GNG7: variants seen among roughly 807,000 people sequenced by gnomAD.
GNG7 encodes guanine nucleotide-binding protein G(I)/G(S)/G(O) subunit gamma-7.
In GNG7, 1 loss-of-function variant was observed where a neutral mutation model predicts 4.0. The observed-to-expected ratio is 0.25, with a 90% CI of 0.09 to 1.18. The LOEUF (loss-of-function observed/expected upper bound fraction) is 1.18, where lower values mean the gene tolerates loss of function less well. GNG7 is among the 50% of genes most tolerant of loss of function. The pLI is 0.50. For missense variants in GNG7, 86 were observed against 91.9 expected (o/e 0.94, Z 0.26); for synonymous variants, 34 against 36.9 (o/e 0.92, Z 0.29).
chr19:2,603,466 G>C (rs1031344002), intron 2 of GNG7, among the ~76,000 whole-genome samples: 3 of 152,244 alleles, frequency 2.0e-5, no homozygotes, highest in Non-Finnish European at 2.9e-5. Flanking sequence ...ACCGGCATCC[G>C]GTGAGACCGC....
rs970157339 is a variant in GNG7 at position 2,633,213 on chromosome 19, G to A, written c.-78+13011C>T. 8.5e-5 allele frequency among the ~76,000 whole-genome samples: 13 copies of A among 152,174 alleles called. No homozygotes were observed. Among genetic ancestry groups the A allele is most frequent in the Non-Finnish European group, 1.9e-4 (13 of 68,032 alleles). ...ACGGGCCTCATCATTGCTGTCCTGG[G>A]CAATGGACTCTGACCCCTGCTGTAG... is the stretch of plus-strand genomic sequence containing the variant. On this transcript the variant is annotated intron_variant, in intron 2 of 4. Transcript: ENST00000382159. The surrounding 1 kb of genome is among the most constrained non-coding windows in gnomAD (Gnocchi z 5.9).
intron 2 of GNG7, among the ~76,000 whole-genome samples, chr19:2,644,327 T>TATATA (rs1982600107): frequency 8.7e-6 from 1 of 114,430 alleles, no homozygotes; most frequent in Non-Finnish European, 1.8e-5. Context: ...GGCCTACACT[T>TATATA]TATATATATA....
intron 1 of GNG7, among the ~76,000 whole-genome samples, chr19:2,649,471 G>A (rs1982753051): frequency 6.7e-6 from 1 of 150,022 alleles, no homozygotes; most frequent in Admixed American, 6.7e-5. Context: ...CTCACTGCAA[G>A]CTCCACCTCC....
intron 3 of GNG7, among the ~76,000 whole-genome samples, chr19:2,535,817 C>T (rs1281339021): frequency 6.6e-6 from 1 of 152,074 alleles, no homozygotes; most frequent in African/African-American, 2.4e-5. Context: ...TCCTCTGACC[C>T]CATCAAGTTC....
Position 2,643,115 on chromosome 19 carries a change from G to A in GNG7, c.-78+3109C>T, listed in dbSNP as rs536070335. 97 of 452,966 alleles carry A rather than the reference G, an allele frequency of 2.1e-4. 3 individuals are homozygous for A. Among genetic ancestry groups the A allele is most frequent in the South Asian group, 1.5e-3 (95 of 64,304 alleles). The allele number at this position is 452,966 out of a possible 1,614,324, so 28.1% of individuals were successfully genotyped here. A position where few individuals can be genotyped will look rare whatever the true frequency, so the allele number is the denominator to read the frequency against. On this transcript the variant is annotated intron_variant, in intron 2 of 4. Coordinates refer to ENST00000382159, the MANE Select transcript of GNG7 (RefSeq NM_052847.3). ...CATTGGCACCGGAAATGCTAAGTCT[G>A]AGCCCTCTCCGGGCTCTGCACACCT...
At position 2,511,995 on chromosome 19, in the gene GNG7, C is replaced by G. The variant is rs982367772; in HGVS notation, c.*3027G>C. On this transcript the variant is annotated 3_prime_UTR_variant, in exon 5 of 5. Coordinates refer to ENST00000382159, the MANE Select transcript of GNG7 (RefSeq NM_052847.3). This position sits in a 1 kb window ranked among gnomAD's most constrained non-coding sequence, Gnocchi z 6.3. The stretch of plus-strand genomic sequence containing the variant: ...TGGCCCTTCACCTGGCTACTGGTGT[C>G]TCGCTCAGCAGCGGGGAAGGCCCGT... 3 of 985,794 alleles carry G rather than the reference C, an allele frequency of 3.0e-6. No homozygotes were observed. The highest frequency in any genetic ancestry group is 6.1e-5 in the Admixed American group (1 of 16,270). 61.1% of individuals were successfully genotyped at this position (985,794 alleles called of 1,614,324 possible).
At chr19:2,575,503 A>G (rs1980280711) in intron 2 of GNG7, among the ~76,000 whole-genome samples, 1 of 151,622 alleles carries the variant, frequency 6.6e-6, no homozygotes, top group Non-Finnish European at 1.5e-5. Context: ...ACGCAGGCAC[A>G]CACAGACATG....
intron 2 of GNG7, among the ~76,000 whole-genome samples, chr19:2,635,429 G>A (rs886486486): frequency 2.0e-5 from 3 of 152,198 alleles, no homozygotes; most frequent in African/African-American, 7.2e-5. Context: ...CAATGGAGCA[G>A]ACGGTGTAAG....
At chr19:2,684,827 A>G (rs759614322) in intron 1 of GNG7, among the ~76,000 whole-genome samples, 1 of 151,344 alleles carries the variant, frequency 6.6e-6, no homozygotes. Flanking sequence ...CGTCTCTACT[A>G]AAAATACAAA....
chr19:2,586,190 G>A (rs947215460), intron 2 of GNG7, among the ~76,000 whole-genome samples: 18 of 152,266 alleles, frequency 1.2e-4, no homozygotes, highest in East Asian at 1.9e-4. Context: ...TCTTGCAGCC[G>A]TCTTGATGGG....
chr19:2,516,393 T>G (rs1280454771), intron 4 of GNG7, among the ~76,000 whole-genome samples: 2 of 151,866 alleles, frequency 1.3e-5, no homozygotes, highest in Non-Finnish European at 2.9e-5. Flanking sequence ...CCCAGCTAAT[T>G]TTTGTATTTT....
chr19:2,529,211 TTTTG>T (rs368933480), intron 3 of GNG7, among the ~76,000 whole-genome samples: 2,794 of 152,182 alleles, frequency 0.018, 69 homozygotes, highest in African/African-American at 0.064. Context: ...TGGTGGGTTT[TTTTG>T]TTTGTTTGTT....
chr19:2,519,146 CTTTTTTTTT>C (rs71178282), intron 4 of GNG7, among the ~76,000 whole-genome samples: 2 of 84,540 alleles, frequency 2.4e-5, no homozygotes, highest in Non-Finnish European at 4.4e-5. Flanking sequence ...TTTCTTGTTT[CTTTTTTTTT>C]TTTTTTTTTT....
rs1913161803 is a variant in GNG7 at position 2,692,641 on chromosome 19, A to AC, written c.-135+10004_-135+10005insG. ...CAGAGTGAGACTCCATCTCGAAAAA[A>AC]AAAAAAAAGAAGGCCAGGGGCAGCA... On this transcript the variant is annotated intron_variant, in intron 1 of 4. Transcript: ENST00000382159. Among the ~76,000 whole-genome samples, 2 of 150,266 alleles carry AC rather than the reference A, an allele frequency of 1.3e-5. 1 individual carries two copies. The highest frequency in any genetic ancestry group is 4.9e-5 in the African/African-American group (2 of 40,594).
At chr19:2,571,357 C>G (rs942676618) in intron 2 of GNG7, among the ~76,000 whole-genome samples, 3 of 152,076 alleles carry the variant, frequency 2.0e-5, no homozygotes, top group Non-Finnish European at 4.4e-5. Context: ...TTGCAAAGAC[C>G]TTGTTGGACA....
At chr19:2,690,958 G>A (rs73512221) in intron 1 of GNG7, among the ~76,000 whole-genome samples, 10,922 of 152,124 alleles carry the variant, frequency 0.072, 733 homozygotes, top group African/African-American at 0.17. Flanking sequence ...CTCCAAACCC[G>A]TAGAATCTTC....
intron 1 of GNG7, among the ~76,000 whole-genome samples, chr19:2,680,991 G>A (rs575316793): frequency 3.3e-5 from 5 of 152,094 alleles, no homozygotes; most frequent in East Asian, 1.9e-4. Context: ...CTTACTGGGC[G>A]TGAAGTGGTA....
At chr19:2,517,892 G>C (rs1978291300) in intron 4 of GNG7, among the ~76,000 whole-genome samples, 1 of 152,198 alleles carries the variant, frequency 6.6e-6, no homozygotes, top group Non-Finnish European at 1.5e-5. Flanking sequence ...ACGGCCAGGA[G>C]CCTGTGGGAC....
At chr19:2,690,318 T>C (rs891113926) in intron 1 of GNG7, among the ~76,000 whole-genome samples, 1 of 149,528 alleles carries the variant, frequency 6.7e-6, no homozygotes, top group African/African-American at 2.5e-5. Flanking sequence ...GAGGCAGAGT[T>C]TGCAGTGAGC....
Sources: allele counts gnomAD v4.1 joint callset (sites outside exome capture counted in the v4.1 genomes callset), GRCh38; gene constraint gnomAD v4.1.1; non-coding constraint Gnocchi (gnomAD v3.1); transcripts MANE v1.5; gene names NCBI Gene and HGNC (gene_info 2026-07-23, HGNC 2026-07-21).